BRD4: variants seen among roughly 807,000 people sequenced by gnomAD.
The protein encoded by BRD4 is bromodomain-containing protein 4.
Under a neutral mutation model 142.1 loss-of-function variants are expected in BRD4, and 16 were observed. The observed-to-expected ratio is 0.11, with a 90% confidence interval of 0.08 to 0.17. The LOEUF is 0.17. Ranked by LOEUF, BRD4 falls within the 10% of genes least tolerant of loss-of-function variation. The pLI, the probability that BRD4 is intolerant of heterozygous loss-of-function variation, is 1.00. For synonymous variants in BRD4, 833 were observed against 707.5 expected, an observed-to-expected ratio of 1.18 and a Z score of -2.82; for missense variants, 1,424 against 1,810.9, an observed-to-expected ratio of 0.79 and a Z score of 3.88.
intron 1 of BRD4, among the ~76,000 whole-genome samples, chr19:15,295,232 C>T (rs1171832590): frequency 1.3e-5 from 2 of 152,168 alleles, no homozygotes; most frequent in African/African-American, 4.8e-5. Context: ...TGGCACTGGG[C>T]ATCTAACAAG....
At chr19:15,318,728 T>C (rs2048036727) in intron 1 of BRD4, among the ~76,000 whole-genome samples, 1 of 152,222 alleles carries the variant, frequency 6.6e-6, no homozygotes, top group Non-Finnish European at 1.5e-5. Context: ...AAAGGCTCCA[T>C]ACCAACAGCA....
intron 1 of BRD4, among the ~76,000 whole-genome samples, chr19:15,302,668 CAAAAAAAAAAAAA>C (rs572714842): frequency 3.0e-4 from 17 of 56,788 alleles, no homozygotes; most frequent in South Asian, 9.0e-4. Context: ...GACTCCGACT[CAAAAAAAAAAAAA>C]AAAAAAAAAA....
chr19:15,314,187 A>G (rs1309611167), intron 1 of BRD4, among the ~76,000 whole-genome samples: 2 of 152,222 alleles, frequency 1.3e-5, no homozygotes, highest in East Asian at 3.9e-4. Context: ...AAAATGAGCC[A>G]GTCCTGCTCC....
At chr19:15,282,541 G>C (rs1299369598) in intron 1 of BRD4, among the ~76,000 whole-genome samples, 1 of 152,204 alleles carries the variant, frequency 6.6e-6, no homozygotes, top group East Asian at 1.9e-4. Flanking sequence ...CTTGGTGTCT[G>C]TCCACTTCTA....
In BRD4 at chr19:15,238,459, G is replaced by C. The variant is rs775045605; in HGVS notation, c.4021-14C>G. The C allele has an allele frequency of 1.2e-6, 2 of 1,614,034 alleles. No individual in the cohort carries two copies. Among genetic ancestry groups the C allele is most frequent in the South Asian group, 1.1e-5 (1 of 91,078 alleles). ...GGTAGCTGCCATCTGGAGGAGAAAGGAAGGAGGGAGTCAGGAGGATGACCT... is the reference window on the plus strand; with the variant it reads ...GGTAGCTGCCATCTGGAGGAGAAAGCAAGGAGGGAGTCAGGAGGATGACCT... On this transcript the variant is annotated splice_polypyrimidine_tract_variant and intron_variant, in intron 19 of 19. Coordinates refer to ENST00000679869, the MANE Select transcript of BRD4 (RefSeq NM_001379291.1). This position sits in a 1 kb window ranked among gnomAD's most constrained non-coding sequence, Gnocchi z 7.2.
chr19:15,323,955 T>G (rs1172442159), intron 1 of BRD4, among the ~76,000 whole-genome samples: 1 of 152,216 alleles, frequency 6.6e-6, no homozygotes, highest in Non-Finnish European at 1.5e-5. Flanking sequence ...CCCCCTTTTG[T>G]CACTGTGCAG....
At chr19:15,292,882 A>T (rs2047794811) in intron 1 of BRD4, among the ~76,000 whole-genome samples, 1 of 151,638 alleles carries the variant, frequency 6.6e-6, no homozygotes, top group Non-Finnish European at 1.5e-5. Flanking sequence ...AGGTCTCACA[A>T]TTTCGGATGT....
intron 1 of BRD4, among the ~76,000 whole-genome samples, chr19:15,284,224 T>C (rs2047724982): frequency 6.6e-6 from 1 of 152,224 alleles, no homozygotes; most frequent in African/African-American, 2.4e-5. Context: ...TCTTCTCATC[T>C]TGCCCTCACC....
At chr19:15,246,639 ACT>A (rs914147159) in intron 11 of BRD4, 1 of 151,790 alleles carries the variant, frequency 6.6e-6, no homozygotes, top group Non-Finnish European at 1.5e-5. Flanking sequence ...AGGGATGGTC[ACT>A]CTAACCCCTC....
At chr19:15,302,111 G>A (rs1240491140) in intron 1 of BRD4, among the ~76,000 whole-genome samples, 2 of 151,480 alleles carry the variant, frequency 1.3e-5, no homozygotes, top group East Asian at 1.9e-4. Context: ...AGGTTGCAGT[G>A]AGCCAAGATT....
chr19:15,279,317 G>C (rs1293476044), intron 1 of BRD4, among the ~76,000 whole-genome samples: 3 of 152,126 alleles, frequency 2.0e-5, no homozygotes, highest in African/African-American at 7.2e-5. Context: ...CAATAGTTCA[G>C]ACAAATTAGA....
intron 11 of BRD4, chr19:15,248,433 G>C (rs900062531): frequency 2.3e-5 from 5 of 218,358 alleles, no homozygotes; most frequent in African/African-American, 1.1e-4. Context: ...AGGCGGGTGG[G>C]GTGAGGTGGG....
intron 11 of BRD4, among the ~76,000 whole-genome samples, chr19:15,252,514 A>G (rs960863550): frequency 6.6e-6 from 1 of 152,208 alleles, no homozygotes; most frequent in Non-Finnish European, 1.5e-5. Flanking sequence ...TGCTAATTGG[A>G]TCCAAGAATA....
Position 15,267,655 on chromosome 19 carries a change from G to A in BRD4, c.424-104C>T, listed in dbSNP as rs140568203. The A allele has an allele frequency of 3.0e-3, 4,022 of 1,351,576 alleles. 12 individuals are homozygous for A. The highest frequency in any genetic ancestry group is 3.5e-3 in the Non-Finnish European group (3,521 of 993,590). 83.7% of individuals were successfully genotyped at this position (1,351,576 alleles called of 1,614,324 possible). A position where few individuals can be genotyped will look rare whatever the true frequency, so the allele number is the denominator to read the frequency against. ...ACCCCCTGCCCCCAAAACATGAAGC[G>A]TCGTATTCCGGGTCCTTCCCCGATC... is the stretch of plus-strand genomic sequence containing the variant. On this transcript the variant is annotated intron_variant, in intron 3 of 19. Transcript: ENST00000679869.
intron 1 of BRD4, among the ~76,000 whole-genome samples, chr19:15,292,772 C>T (rs1241256739): frequency 9.9e-5 from 7 of 70,394 alleles, no homozygotes; most frequent in Admixed American, 2.4e-4. Context: ...ATCAAGACTC[C>T]GTCTCAAAAA....
intron 1 of BRD4, among the ~76,000 whole-genome samples, chr19:15,292,777 C>CAAAAAAAAAAAAAAA (rs57341445): frequency 4.7e-4 from 27 of 57,256 alleles, no homozygotes; most frequent in Non-Finnish European, 7.8e-4. Context: ...GACTCCGTCT[C>CAAAAAAAAAAAAAAA]AAAAAAAAAA....
chr19:15,255,419 G>A lies in BRD4; in HGVS notation c.1925C>T (p.Pro642Leu), dbSNP rs1381188597. 6.2e-7 allele frequency: 1 copy of A among 1,613,972 alleles called. No individual in the cohort carries two copies. The highest frequency in any genetic ancestry group is 2.2e-5 in the East Asian group (1 of 44,872). The change falls in exon 10 of 20, where the codon CCC (proline) becomes CTC (leucine). Residue 642 changes from proline (P) to leucine (L), a missense_variant. Around this residue, in one of 16 missense-constraint regions of BRD4, gnomAD observed 46 missense variants for 110.4 expected, o/e 0.42. Coordinates refer to ENST00000679869, the MANE Select transcript of BRD4 (RefSeq NM_001379291.1). ...GTCGGGGTTGGAATTCTTCAGGGAG[G>A]GCTCCCGTGACTGGATGATGTGCAC... ...RVVHIIQSREPSLKNSNPDEI... is the reference protein window; with the variant it reads ...RVVHIIQSRELSLKNSNPDEI...
rs1444387514 is a variant in BRD4 at position 15,304,233 on chromosome 19, CTGTT to C, written c.-35+28053_-35+28056del. ...CCAGGTCCCCCGGATCTCCAGCCGTCTGTTTGTTTGCCCACAGGAACACACAGTG... is the reference window on the plus strand; with the variant it reads ...CCAGGTCCCCCGGATCTCCAGCCGTCTGTTTGCCCACAGGAACACACAGTG... On this transcript the variant is annotated intron_variant, in intron 1 of 19. Coordinates refer to ENST00000679869, the MANE Select transcript of BRD4 (RefSeq NM_001379291.1). Among the ~76,000 whole-genome samples the C allele has an allele frequency of 6.6e-5, 10 of 152,296 alleles. No homozygotes were observed. In the East Asian group the frequency reaches 1.4e-3, roughly 21 times the overall value.
chr19:15,310,747 G>C (rs578137522), intron 1 of BRD4, among the ~76,000 whole-genome samples: 6 of 151,002 alleles, frequency 4.0e-5, no homozygotes, highest in African/African-American at 7.3e-5. Flanking sequence ...CACCTGCCTC[G>C]GCCTCCCAAA....
Sources: allele counts gnomAD v4.1 joint callset (sites outside exome capture counted in the v4.1 genomes callset), GRCh38; gene constraint gnomAD v4.1.1; regional missense constraint gnomAD v4.1.1; non-coding constraint Gnocchi (gnomAD v3.1); transcripts MANE v1.5; gene names NCBI Gene and HGNC (gene_info 2026-07-23, HGNC 2026-07-21).